LGR5: variants seen among roughly 807,000 people sequenced by gnomAD.
LGR5 encodes the protein leucine rich repeat containing G protein-coupled receptor 5.
Under a neutral mutation model 76.7 loss-of-function variants are expected in LGR5, and 54 were observed. The ratio of observed to expected loss-of-function variants is 0.70; its 90% CI spans 0.57 to 0.88. The LOEUF (loss-of-function observed/expected upper bound fraction) is 0.88, where lower values mean the gene tolerates loss of function less well. LGR5 is among the 40% of genes least tolerant of loss of function. The pLI, the probability that LGR5 is intolerant of heterozygous loss-of-function variation, is 0.00. For missense variants in LGR5, 1,078 were observed against 1,073.3 expected (o/e 1.00, Z -0.06); for synonymous variants, 406 against 421.9 (o/e 0.96, Z 0.46).
chr12:71,509,159 C>T (rs1208995472), intron 2 of LGR5, among the ~76,000 whole-genome samples: 1 of 152,164 alleles, frequency 6.6e-6, no homozygotes. Flanking sequence ...CATCCTGGCT[C>T]TGCCACTTAC....
Position 71,580,297 on chromosome 12 carries a change from G to A in LGR5, c.1426G>A (p.Ala476Thr), listed in dbSNP as rs758787528. 1 of 1,612,130 alleles carries A rather than the reference G, an allele frequency of 6.2e-7. No individual in the cohort carries two copies. The highest frequency in any genetic ancestry group is 8.5e-7 in the Non-Finnish European group (1 of 1,179,214). The change falls in exon 16 of 18, where the codon GCT (alanine) becomes ACT (threonine). Residue 476 changes from alanine to threonine, a missense_variant. Transcript: ENST00000266674. ...PELKVIEMPY[A>T]YQCCAFGVCE... ...TTAAAGGGTTATAGAAATGCCTTAT[G>A]CTTACCAGTGCTGTGCATTTGGAGT...
intron 4 of LGR5, among the ~76,000 whole-genome samples, chr12:71,544,256 ATTCT>A (rs71756798): frequency 0.19 from 25,240 of 136,228 alleles, 2,657 homozygotes; most frequent in Admixed American, 0.28. Flanking sequence ...GAAAGGGGAA[ATTCT>A]TTTTTTTTTT....
chr12:71,577,306 A>G (rs1371218504), intron 13 of LGR5, among the ~76,000 whole-genome samples: 1 of 152,186 alleles, frequency 6.6e-6, no homozygotes, highest in African/African-American at 2.4e-5. Context: ...TCTGCAGTTC[A>G]TTACTTGTCC....
chr12:71,566,841 G>A lies in LGR5; in HGVS notation c.999G>A (p.Leu333=). The A allele has an allele frequency of 1.2e-6, 2 of 1,613,286 alleles. No individual in the cohort carries two copies. The highest frequency in any genetic ancestry group is 1.7e-6 in the Non-Finnish European group (2 of 1,179,270). The change falls in exon 11 of 18, where the codon CTG becomes CTA. Residue 333 remains leucine (L), a splice_region_variant and synonymous_variant. Coordinates refer to ENST00000266674, the MANE Select transcript of LGR5 (RefSeq NM_003667.4). Reference sequence around the variant, plus strand: ...TTATGTCTGGTTTGTGTTTTAACAGGACTTTAACTGGAGCACAGATCTCAT... The same window carrying A: ...TTATGTCTGGTTTGTGTTTTAACAGAACTTTAACTGGAGCACAGATCTCAT... ...DLTGTANLES[L]TLTGAQISSL...
chr12:71,466,507 GAAAAGT>G (rs1395503410), intron 1 of LGR5, among the ~76,000 whole-genome samples: 1 of 152,092 alleles, frequency 6.6e-6, no homozygotes, highest in African/African-American at 2.4e-5. Context: ...ATGAAGAAAT[GAAAAGT>G]AAATGTAGCA....
At chr12:71,583,588 T>A in intron 17 of LGR5, 59 bp from the exon 18 acceptor site, 1 of 1,535,806 alleles carries the variant, frequency 6.5e-7, no homozygotes, top group Non-Finnish European at 8.8e-7. Flanking sequence ...AAAGGGTAAT[T>A]CAGCAAAAGT....
intron 2 of LGR5, among the ~76,000 whole-genome samples, chr12:71,519,037 G>A (rs1464395205): frequency 6.6e-6 from 1 of 152,096 alleles, no homozygotes; most frequent in Non-Finnish European, 1.5e-5. Flanking sequence ...CTAAAACACA[G>A]ATCTGATCAC....
At chr12:71,482,165 C>A (rs1323057019) in intron 1 of LGR5, among the ~76,000 whole-genome samples, 1 of 152,112 alleles carries the variant, frequency 6.6e-6, no homozygotes, top group Non-Finnish European at 1.5e-5. Flanking sequence ...GTGTGAAATT[C>A]ATGTGTACCA....
intron 1 of LGR5, among the ~76,000 whole-genome samples, chr12:71,464,468 T>TTTA (rs1282683163): frequency 6.6e-6 from 1 of 152,180 alleles, no homozygotes; most frequent in East Asian, 1.9e-4. Flanking sequence ...TGAAATACAC[T>TTTA]TAATAAGTGT....
chr12:71,520,284 G>T (rs1875662093), intron 2 of LGR5, among the ~76,000 whole-genome samples: 1 of 152,136 alleles, frequency 6.6e-6, no homozygotes, highest in Admixed American at 6.5e-5. Flanking sequence ...TATGCTTAGT[G>T]AAATAAGTCA....
At chr12:71,556,022 C>T (rs569854561) in intron 5 of LGR5, among the ~76,000 whole-genome samples, 1 of 152,228 alleles carries the variant, frequency 6.6e-6, no homozygotes, top group Non-Finnish European at 1.5e-5. Context: ...ATGTCCTTTG[C>T]AGGAACATGG....
At chr12:71,512,856 G>A (rs1565708791) in intron 2 of LGR5, among the ~76,000 whole-genome samples, 2 of 152,216 alleles carry the variant, frequency 1.3e-5, no homozygotes, top group South Asian at 2.1e-4. Context: ...TGGAATGTAA[G>A]TGTGAAGCAT....
chr12:71,582,361 CAT>C, intron 16 of LGR5, 93 bp from the exon 17 acceptor site: 1 of 967,638 alleles, frequency 1.0e-6, no homozygotes, highest in Non-Finnish European at 1.6e-6. Context: ...TGTGACAGTT[CAT>C]GTCTCCAGAA....
intron 13 of LGR5, 82 bp downstream of exon 13, chr12:71,573,003 T>C (rs1878685804): frequency 2.1e-6 from 2 of 970,118 alleles, no homozygotes; most frequent in Admixed American, 1.9e-5. Flanking sequence ...TTTCTTTTCA[T>C]TGTGTACTAT....
At chr12:71,566,942 T>G (rs778633348) in intron 11 of LGR5, 30 bp downstream of exon 11, 1 of 1,509,326 alleles carries the variant, frequency 6.6e-7, no homozygotes, top group East Asian at 2.3e-5. Flanking sequence ...TAATGTTGTG[T>G]AAACAGGCAA....
chr12:71,563,573 A>G (rs1182584650), intron 8 of LGR5, among the ~76,000 whole-genome samples: 1 of 152,120 alleles, frequency 6.6e-6, no homozygotes, highest in Non-Finnish European at 1.5e-5. Flanking sequence ...CAGTTCCCCA[A>G]AGCTCTCCTC....
intron 14 of LGR5, 97 bp downstream of exon 14, chr12:71,578,093 CACAGATT>C: frequency 1.1e-6 from 1 of 874,516 alleles, no homozygotes; most frequent in Non-Finnish European, 1.9e-6. Context: ...GCTGGATATG[CACAGATT>C]ACCTGCCTCT....
intron 2 of LGR5, among the ~76,000 whole-genome samples, chr12:71,511,420 G>A (rs1180816340): frequency 6.6e-6 from 1 of 152,254 alleles, no homozygotes; most frequent in East Asian, 1.9e-4. Context: ...TCAGAAAACT[G>A]CCTTTAACAA....
rs927050513 is a variant in LGR5 at position 71,535,301 on chromosome 12, T to A, written c.428+115T>A. ...GGTTGGGAGTCATACCTAAATGTAT[T>A]GTGAATGAGAGCCCATTAGAGTAAC... On this transcript the variant is annotated intron_variant, in intron 4 of 17. Coordinates refer to ENST00000266674, the MANE Select transcript of LGR5 (RefSeq NM_003667.4). 22 of 697,086 alleles carry A rather than the reference T, an allele frequency of 3.2e-5. No homozygotes were observed. In the African/African-American group the frequency reaches 3.6e-4, roughly 11 times the overall value. The allele number at this position is 697,086 out of a possible 1,614,324, so 43.2% of individuals were successfully genotyped here. A position where few individuals can be genotyped will look rare whatever the true frequency, so the allele number is the denominator to read the frequency against.
Sources: allele counts gnomAD v4.1 joint callset (sites outside exome capture counted in the v4.1 genomes callset), GRCh38; gene constraint gnomAD v4.1.1; transcripts MANE v1.5; gene names NCBI Gene and HGNC (gene_info 2026-07-23, HGNC 2026-07-21).